The following MATR3 variants were observed in gnomAD, a reference collection of about 807,000 sequenced individuals.
MATR3 encodes the protein matrin-3.
A neutral mutation model predicts 85.5 loss-of-function variants in MATR3; 4 were observed. That is an observed-to-expected ratio of 0.05 (90% CI 0.02 to 0.11). The LOEUF (loss-of-function observed/expected upper bound fraction) is 0.11. MATR3 is among the 10% of genes least tolerant of loss of function. The pLI, the probability that MATR3 is intolerant of heterozygous loss-of-function variation, is 1.00. For missense variants in MATR3, 685 were observed against 1,016.1 expected (o/e 0.67, Z 4.43); for synonymous variants, 336 against 343.1 (o/e 0.98, Z 0.23).
At chr5:139,325,236 A>G (rs2152020806) in intron 12 of MATR3, 19 of 1,537,158 alleles carry the variant, frequency 1.2e-5, no homozygotes, top group Non-Finnish European at 1.7e-5. Context: ...CTTCAAGTAA[A>G]GCAGACAGAA....
At chr5:139,298,500 C>G (rs542470005) in intron 1 of MATR3, among the ~76,000 whole-genome samples, 14 of 152,206 alleles carry the variant, frequency 9.2e-5, no homozygotes, top group African/African-American at 3.1e-4. Flanking sequence ...ACCTGGGAGG[C>G]GGAAGTTGCA....
At chr5:139,305,190 A>C (rs541472040) in intron 1 of MATR3, among the ~76,000 whole-genome samples, 22 of 152,072 alleles carry the variant, frequency 1.4e-4, no homozygotes, top group African/African-American at 4.3e-4. Context: ...CTCTTTTCTG[A>C]GTTTTTCTGA....
chr5:139,302,888 TATAAG>T (rs1268562091), intron 1 of MATR3, among the ~76,000 whole-genome samples: 1 of 152,244 alleles, frequency 6.6e-6, no homozygotes, highest in African/African-American at 2.4e-5. Context: ...AAGAGGAAAA[TATAAG>T]AAACTGTAGT....
Position 139,329,394 on chromosome 5 carries a change from A to G in MATR3, c.2543A>G (p.Ter848=), listed in dbSNP as rs200664940. ...AEERRQKKET[*] is the part of the protein sequence containing the mutation. ...GAACGCAGACAGAAGAAGGAAACTTAAGATGTGCAAGGAGATTTAATGATT... is the reference window on the plus strand; with the variant it reads ...GAACGCAGACAGAAGAAGGAAACTTGAGATGTGCAAGGAGATTTAATGATT... The change falls in exon 15 of 15, where the codon TAA becomes TGA. Residue 848 remains the stop codon, a stop_retained_variant. Transcript: ENST00000394805. 210 of 1,609,948 alleles carry G rather than the reference A, an allele frequency of 1.3e-4. No homozygotes were observed. The highest frequency in any genetic ancestry group is 2.5e-4 in the Admixed American group (15 of 59,996).
chr5:139,294,404 C>T (rs1437879718), intron 1 of MATR3: 4 of 180,270 alleles, frequency 2.2e-5, no homozygotes, highest in Non-Finnish European at 3.5e-5. Flanking sequence ...CTTTCTTTTC[C>T]CGGTGTCTCG....
At chr5:139,278,301 C>G (rs1753375528) in intron 2 of MATR3, 1 of 453,758 alleles carries the variant, frequency 2.2e-6, no homozygotes, top group Admixed American at 2.4e-5. Context: ...TACTAGATCA[C>G]TAAGTTTGCT....
At chr5:139,281,475 T>A (rs1414723482) in intron 3 of MATR3, among the ~76,000 whole-genome samples, 1 of 150,868 alleles carries the variant, frequency 6.6e-6, no homozygotes, top group Admixed American at 6.6e-5. Context: ...CCCAAGTAGC[T>A]GGGACTATAG....
chr5:139,283,486 C>T (rs1158426928), intron 3 of MATR3: 2 of 152,358 alleles, frequency 1.3e-5, no homozygotes, highest in Non-Finnish European at 2.9e-5. Context: ...TCCTTTTCTA[C>T]ACTGGGCTTC....
chr5:139,329,418 T>G lies in MATR3; in HGVS notation c.*23T>G. The G allele has an allele frequency of 6.3e-7, 1 of 1,594,728 alleles. No individual in the cohort carries two copies. The highest frequency in any genetic ancestry group is 8.6e-7 in the Non-Finnish European group (1 of 1,163,690). ...TAAGATGTGCAAGGAGATTTAATGA[T>G]TTCAAAGAAAATAATGGTTCTTTGT... On this transcript the variant is annotated 3_prime_UTR_variant, in exon 15 of 15. Coordinates refer to ENST00000394805, the MANE Select transcript of MATR3 (RefSeq NM_018834.6).
intron 2 of MATR3, chr5:139,310,252 G>A (rs1274419331): frequency 6.6e-6 from 1 of 152,106 alleles, no homozygotes; most frequent in Non-Finnish European, 1.5e-5. Context: ...GGTACTTTTA[G>A]CCTGTAAAAA....
intron 2 of MATR3, chr5:139,309,920 T>C (rs1352512739): frequency 6.6e-6 from 1 of 152,162 alleles, no homozygotes; most frequent in African/African-American, 2.4e-5. Context: ...ACCAATATTC[T>C]CAGAAAGGGT....
In MATR3 at chr5:139,286,061, CATT is replaced by C. The variant is rs1159897259; in HGVS notation, c.-178+6935_-178+6937del. ...TATTAAAGATATCTTGACCAGGACA[CATT>C]ATAATTAAACTCTCAAAAGACAGAG... is the stretch of plus-strand genomic sequence containing the variant. On this transcript the variant is annotated intron_variant, in intron 3 of 16. Transcript: ENST00000509990. 7.2e-5 allele frequency among the ~76,000 whole-genome samples: 11 copies of C among 152,172 alleles called. 1 individual carries two copies. The highest frequency in any genetic ancestry group is 4.6e-4 in the Admixed American group (7 of 15,280).
At chr5:139,324,290 GT>G (rs767660135) in intron 12 of MATR3, among the ~76,000 whole-genome samples, 4,558 of 107,636 alleles carry the variant, frequency 0.042, 75 homozygotes, top group African/African-American at 0.079. Context: ...GAGCATGATT[GT>G]TTTTTTTTTT....
chr5:139,293,169 AG>A (rs1753940157), upstream of MATR3: 1 of 152,208 alleles, frequency 6.6e-6, no homozygotes, highest in Non-Finnish European at 1.5e-5. Flanking sequence ...CTGAGGTGGG[AG>A]GATCCCTTGA....
intron 3 of MATR3, chr5:139,280,055 C>T (rs1238639987): frequency 2.0e-5 from 3 of 152,144 alleles, no homozygotes; most frequent in African/African-American, 7.2e-5. Flanking sequence ...CTGTAAAGAG[C>T]CAGGTAATAT....
chr5:139,307,900 G>T lies in MATR3; in HGVS notation c.485G>T (p.Gly162Val). ...EGPTLSYGRD[G>V]RSATREPPYR... ...CCTACCTTGAGTTATGGTAGAGATG[G>T]CAGATCTGCTACACGGGAGCCACCA... The change falls in exon 2 of 15, where the codon GGC becomes GTC. Residue 162 changes from glycine (G) to valine (V), a missense_variant. This residue lies in a region of MATR3 where 223 missense variants were observed against 334.4 expected (regional missense o/e 0.67). Coordinates refer to ENST00000394805, the MANE Select transcript of MATR3 (RefSeq NM_018834.6). The surrounding 1 kb of genome is among the most constrained non-coding windows in gnomAD (Gnocchi z 4.4). 6.2e-7 allele frequency: 1 copy of T among 1,614,068 alleles called. No homozygotes were observed.
chr5:139,279,077 T>A, exon 3 of MATR3: 2 of 459,548 alleles, frequency 4.4e-6, no homozygotes, highest in Non-Finnish European at 8.7e-6. Context: ...GACATCTACC[T>A]CCATCAGGAC....
At chr5:139,278,371 A>C (rs1239381783) in intron 2 of MATR3, 2 of 453,934 alleles carry the variant, frequency 4.4e-6, no homozygotes, top group Admixed American at 4.7e-5. Flanking sequence ...GAAGGGAGGA[A>C]ATAGTGGCAG....
At chr5:139,289,387 T>C (rs1157796669), upstream of MATR3, among the ~76,000 whole-genome samples, 3 of 152,200 alleles carry the variant, frequency 2.0e-5, no homozygotes, top group Non-Finnish European at 4.4e-5. Context: ...GCTACTGCAC[T>C]CCATCCTGGA....
Sources: allele counts gnomAD v4.1 joint callset (sites outside exome capture counted in the v4.1 genomes callset), GRCh38; gene constraint gnomAD v4.1.1; regional missense constraint gnomAD v4.1.1; non-coding constraint Gnocchi (gnomAD v3.1); transcripts MANE v1.5; gene names NCBI Gene and HGNC (gene_info 2026-07-23, HGNC 2026-07-21).